The following TLE4 variants were observed in gnomAD, a reference collection of about 807,000 sequenced individuals.
The protein encoded by TLE4 is transducin-like enhancer protein 4.
A neutral mutation model predicts 92.8 loss-of-function variants in TLE4; 8 were observed. The observed-to-expected ratio is 0.09, with a 90% CI of 0.05 to 0.16. The LOEUF is 0.16. Ranked by LOEUF, TLE4 falls within the 10% of genes least tolerant of loss-of-function variation. The probability of loss-of-function intolerance (pLI) is 1.00; values close to 1 mark genes in which losing one functional copy is unlikely to be tolerated. For synonymous variants in TLE4, 371 were observed against 374.1 expected, an observed-to-expected ratio of 0.99 and a Z score of 0.10; for missense variants, 675 against 997.6, an observed-to-expected ratio of 0.68 and a Z score of 4.36.
At chr9:79,643,891 AAAG>A (rs901547627) in intron 6 of TLE4, among the ~76,000 whole-genome samples, 2 of 152,198 alleles carry the variant, frequency 1.3e-5, no homozygotes, top group Admixed American at 6.5e-5. Context: ...AATATTCTGT[AAAG>A]AAGAGCTTTT....
rs116540111 is a variant in TLE4, at chr9:79,646,974, G to C, written c.391-5619G>C. Among the ~76,000 whole-genome samples the C allele has an allele frequency of 8.9e-3, 1,356 of 152,246 alleles. 28 individuals are homozygous for C. Among genetic ancestry groups the C allele is most frequent in the African/African-American group, 0.031 (1,271 of 41,550 alleles). ...AGATCAAGGCATATACTATTAAGCA[G>C]TATGCCTGTAGGTTGGTTGTTACCA... On this transcript the variant is annotated intron_variant, in intron 6 of 19. Transcript: ENST00000376552.
chr9:79,613,771 A>G (rs1051504775), intron 5 of TLE4, among the ~76,000 whole-genome samples: 1 of 152,092 alleles, frequency 6.6e-6, no homozygotes, highest in Non-Finnish European at 1.5e-5. Context: ...CTGCATGTGT[A>G]TTATAGATAT....
chr9:79,688,493 T>G (rs1426528142), intron 8 of TLE4, among the ~76,000 whole-genome samples: 1 of 152,104 alleles, frequency 6.6e-6, no homozygotes, highest in Non-Finnish European at 1.5e-5. Flanking sequence ...ATAGCATCTT[T>G]GGATATTTTT....
chr9:79,578,927 G>A (rs1168069353), intron 4 of TLE4, among the ~76,000 whole-genome samples: 6 of 143,480 alleles, frequency 4.2e-5, no homozygotes, highest in African/African-American at 1.6e-4. Flanking sequence ...GATTGATAGA[G>A]CTAAGCAGAT....
chr9:79,613,601 G>T (rs575075985), intron 5 of TLE4, among the ~76,000 whole-genome samples: 1 of 152,142 alleles, frequency 6.6e-6, no homozygotes, highest in Non-Finnish European at 1.5e-5. Flanking sequence ...TCTTGTAGCC[G>T]CAATACTTTG....
In TLE4 at chr9:79,683,688, G is replaced by A. The variant is rs978628248; in HGVS notation, c.610-21095G>A. The stretch of plus-strand genomic sequence containing the variant: ...TCTCACTGATCTTGAAATATTCTCC[G>A]TATTTTGTATTAGGAGATTAGTAAA... On this transcript the variant is annotated intron_variant, in intron 8 of 19. Coordinates refer to ENST00000376552, the MANE Select transcript of TLE4 (RefSeq NM_007005.6). 7.2e-5 allele frequency among the ~76,000 whole-genome samples: 11 copies of A among 152,184 alleles called. No homozygotes were observed. In the East Asian group the frequency reaches 9.7e-4, roughly 13 times the overall value.
At chr9:79,587,515 C>A (rs867903676) in intron 4 of TLE4, among the ~76,000 whole-genome samples, 3 of 152,152 alleles carry the variant, frequency 2.0e-5, no homozygotes, top group South Asian at 2.1e-4. Flanking sequence ...TTCCATTGCT[C>A]GGTACTATAG....
At chr9:79,622,581 C>T (rs1048769167) in intron 5 of TLE4, among the ~76,000 whole-genome samples, 12 of 152,050 alleles carry the variant, frequency 7.9e-5, no homozygotes, top group Non-Finnish European at 1.6e-4. Context: ...GGAAATTATC[C>T]TCCAGTTGTA....
intron 8 of TLE4, among the ~76,000 whole-genome samples, chr9:79,676,713 T>C (rs1588123106): frequency 6.6e-6 from 1 of 152,154 alleles, no homozygotes; most frequent in Non-Finnish European, 1.5e-5. Context: ...ATGACGTCTG[T>C]TCTCTCTGAG....
chr9:79,720,249 C>T lies in TLE4; in HGVS notation c.1794C>T (p.Asp598=), dbSNP rs374764115. 5.1e-5 allele frequency: 83 copies of T among 1,613,980 alleles called. No individual in the cohort carries two copies. The highest frequency in any genetic ancestry group is 3.1e-4 in the South Asian group (28 of 91,084). The change falls in exon 16 of 20, where the codon GAC becomes GAT. Residue 598 remains aspartate (D), a synonymous_variant. Transcript: ENST00000376552. The part of the protein sequence containing the change: ...DSKVCFSCCS[D]GNIAVWDLHN... ...AGGTCTGCTTCTCATGCTGCAGCGACGGCAACATCGCTGTGTGGGATCTGC... is the reference window on the plus strand; with the variant it reads ...AGGTCTGCTTCTCATGCTGCAGCGATGGCAACATCGCTGTGTGGGATCTGC...
At chr9:79,672,335 C>T (rs1309079628) in intron 8 of TLE4, among the ~76,000 whole-genome samples, 5 of 152,124 alleles carry the variant, frequency 3.3e-5, no homozygotes, top group Admixed American at 1.3e-4. Flanking sequence ...ACCAACATGG[C>T]CAAGTTTCCC....
chr9:79,599,989 T>C (rs1004392392), intron 4 of TLE4, among the ~76,000 whole-genome samples: 1 of 152,218 alleles, frequency 6.6e-6, no homozygotes, highest in African/African-American at 2.4e-5. Context: ...TTACTTGTCT[T>C]GTTCACCCCT....
chr9:79,602,181 A>G (rs914666543), intron 4 of TLE4, among the ~76,000 whole-genome samples: 1 of 152,238 alleles, frequency 6.6e-6, no homozygotes, highest in Non-Finnish European at 1.5e-5. Context: ...AACCATCTCC[A>G]TAATGTGAAA....
chr9:79,623,950 G>T (rs2051778360), intron 5 of TLE4, among the ~76,000 whole-genome samples: 1 of 152,006 alleles, frequency 6.6e-6, no homozygotes, highest in Admixed American at 6.6e-5. Context: ...CAGATTGGCT[G>T]GACCCACCAC....
intron 19 of TLE4, among the ~76,000 whole-genome samples, 155 bp from the exon 20 acceptor site, chr9:79,724,868 AAAAAAAAAAAAAAG>A: frequency 7.0e-6 from 1 of 142,346 alleles, no homozygotes; most frequent in African/African-American, 2.7e-5. Flanking sequence ...AAAAAAAAAA[AAAAAAAAAAAAAAG>A]CAGCAGTACT....
rs576239290 is a variant in TLE4 at position 79,637,667 on chromosome 9, C to T, written c.390+10219C>T. Among the ~76,000 whole-genome samples the T allele has an allele frequency of 2.0e-4, 31 of 152,232 alleles. No homozygotes were observed. In the South Asian group the frequency reaches 6.0e-3, roughly 29 times the overall value. On this transcript the variant is annotated intron_variant, in intron 6 of 19. Coordinates refer to ENST00000376552, the MANE Select transcript of TLE4 (RefSeq NM_007005.6). ...GTCAGTTGGATACTCTTGACTCATA[C>T]GTTGTTGCTTCCTGTCTGTTGTATC...
At chr9:79,701,142 A>G (rs2069741662) in intron 8 of TLE4, among the ~76,000 whole-genome samples, 1 of 152,210 alleles carries the variant, frequency 6.6e-6, no homozygotes, top group Non-Finnish European at 1.5e-5. Context: ...GACTTACAAG[A>G]TTCATGATGA....
intron 5 of TLE4, among the ~76,000 whole-genome samples, chr9:79,627,118 CT>C (rs2052816478): frequency 6.6e-6 from 1 of 152,096 alleles, no homozygotes; most frequent in Non-Finnish European, 1.5e-5. Flanking sequence ...GAAATTTAAG[CT>C]GTTGTAAAGG....
chr9:79,704,929 G>A lies in TLE4; in HGVS notation c.729+27G>A, dbSNP rs200857440. ...TAAGTTCATTCACCTTTGTGTTAGGGGAGGCCAGCTTGCCTTTTTATCTGC... is the reference window on the plus strand; with the variant it reads ...TAAGTTCATTCACCTTTGTGTTAGGAGAGGCCAGCTTGCCTTTTTATCTGC... On this transcript the variant is annotated intron_variant, in intron 9 of 19. Transcript: ENST00000376552. The A allele has an allele frequency of 5.0e-5, 81 of 1,612,024 alleles. No individual in the cohort carries two copies. In the African/African-American group the frequency reaches 1.0e-3, roughly 20 times the overall value.
Sources: allele counts gnomAD v4.1 joint callset (sites outside exome capture counted in the v4.1 genomes callset), GRCh38; gene constraint gnomAD v4.1.1; transcripts MANE v1.5; gene names NCBI Gene and HGNC (gene_info 2026-07-23, HGNC 2026-07-21).